GRAMD1B: variants seen among roughly 807,000 people sequenced by gnomAD.
The protein encoded by GRAMD1B is protein Aster-B.
A neutral mutation model predicts 99.7 loss-of-function variants in GRAMD1B; 37 were observed. That is an observed-to-expected ratio of 0.37 (90% confidence interval 0.29 to 0.49). The LOEUF (loss-of-function observed/expected upper bound fraction) is 0.49. Ranked by LOEUF, GRAMD1B falls within the 20% of genes least tolerant of loss-of-function variation. The pLI is 0.98. For missense variants in GRAMD1B, 888 were observed against 1,009.2 expected, an observed-to-expected ratio of 0.88 and a Z score of 1.63; for synonymous variants, 427 against 387.6, an observed-to-expected ratio of 1.10 and a Z score of -1.19.
At chr11:123,514,649 C>G (rs1006818337) in intron 2 of GRAMD1B, among the ~76,000 whole-genome samples, 2 of 152,140 alleles carry the variant, frequency 1.3e-5, no homozygotes, top group Non-Finnish European at 2.9e-5. Flanking sequence ...ATGTGAAAAC[C>G]AGAAACAGAA....
intron 1 of GRAMD1B, among the ~76,000 whole-genome samples, chr11:123,465,769 C>T (rs1453707083): frequency 9.5e-5 from 11 of 115,878 alleles, no homozygotes; most frequent in East Asian, 3.7e-4. Flanking sequence ...AACTCCATCT[C>T]GAAAGAAAAA....
intron 2 of GRAMD1B, among the ~76,000 whole-genome samples, chr11:123,566,247 G>T (rs56269648): frequency 1.7e-4 from 26 of 152,114 alleles, no homozygotes; most frequent in Non-Finnish European, 3.1e-4. Flanking sequence ...ATTTTCTCAA[G>T]GGCACCAATC....
intron 1 of GRAMD1B, among the ~76,000 whole-genome samples, chr11:123,387,825 T>A (rs10893034): frequency 0.39 from 59,906 of 151,750 alleles, 17,686 homozygotes; most frequent in African/African-American, 0.84. Context: ...TGTGATTATT[T>A]AAAAATAGCT....
chr11:123,584,092 G>A (rs1244072974), intron 3 of GRAMD1B, among the ~76,000 whole-genome samples: 1 of 151,816 alleles, frequency 6.6e-6, no homozygotes, highest in Non-Finnish European at 1.5e-5. Context: ...CTGCCACCCC[G>A]CCCGCGGTGG....
At chr11:123,397,654 G>T (rs1018825206) in intron 1 of GRAMD1B, among the ~76,000 whole-genome samples, 1 of 151,886 alleles carries the variant, frequency 6.6e-6, no homozygotes, top group Non-Finnish European at 1.5e-5. Flanking sequence ...AGAGTGTGCC[G>T]CCACATCTGA....
At chr11:123,599,284 G>A in intron 7 of GRAMD1B, 2 of 729,926 alleles carry the variant, frequency 2.7e-6, no homozygotes, top group Non-Finnish European at 5.2e-6. Context: ...AAATCCCTTG[G>A]GTTCCCACTG....
At chr11:123,539,012 G>T (rs1237760299) in intron 2 of GRAMD1B, among the ~76,000 whole-genome samples, 5 of 151,902 alleles carry the variant, frequency 3.3e-5, no homozygotes, top group African/African-American at 9.7e-5. Context: ...TTTCATCCAA[G>T]TTGTAGCATG....
chr11:123,577,674 G>A, intron 3 of GRAMD1B, 97 bp downstream of exon 3: 4 of 873,086 alleles, frequency 4.6e-6, no homozygotes, highest in East Asian at 2.7e-5. Flanking sequence ...GGGTCCTCAC[G>A]TGATGAACAG....
chr11:123,581,050 G>T (rs910859242), intron 3 of GRAMD1B, among the ~76,000 whole-genome samples: 1 of 151,506 alleles, frequency 6.6e-6, no homozygotes, highest in African/African-American at 2.4e-5. Flanking sequence ...TCCACACCCC[G>T]CACCTTACTT....
intron 2 of GRAMD1B, among the ~76,000 whole-genome samples, chr11:123,504,168 G>A (rs1353549724): frequency 6.6e-6 from 1 of 152,074 alleles, no homozygotes; most frequent in Non-Finnish European, 1.5e-5. Context: ...ATTTCCCTTG[G>A]CCTATCATGT....
chr11:123,509,470 A>G (rs1940761847), intron 2 of GRAMD1B, among the ~76,000 whole-genome samples: 1 of 152,176 alleles, frequency 6.6e-6, no homozygotes, highest in East Asian at 1.9e-4. Flanking sequence ...ATCTTTAAAT[A>G]TTTGGATGGG....
chr11:123,569,627 C>T (rs576817230), intron 2 of GRAMD1B, among the ~76,000 whole-genome samples: 1 of 152,354 alleles, frequency 6.6e-6, no homozygotes, highest in South Asian at 2.1e-4. Context: ...CTGTGGCTCT[C>T]CTCTCTCAGC....
intron 7 of GRAMD1B, among the ~76,000 whole-genome samples, chr11:123,597,280 T>A: frequency 7.4e-6 from 1 of 135,346 alleles, no homozygotes; most frequent in East Asian, 2.2e-4. Context: ...TTTTTTTTTT[T>A]TTTTTTAAGA....
chr11:123,572,454 C>T (rs570757062), intron 2 of GRAMD1B, among the ~76,000 whole-genome samples: 134 of 152,318 alleles, frequency 8.8e-4, no homozygotes, highest in African/African-American at 3.0e-3. Flanking sequence ...GTTTTGTTTG[C>T]TCAGCAGGAC....
In GRAMD1B at chr11:123,434,096, G is replaced by A. The variant is rs1949042340; in HGVS notation, c.374+2930G>A. The stretch of plus-strand genomic sequence containing the variant: ...AATACAAAAATTAGCCAGGTGTGGT[G>A]GTGGACACCTGTAGTCCCAGCTACT... On this transcript the variant is annotated intron_variant, in intron 1 of 19. Coordinates refer to ENST00000635736, the MANE Select transcript of GRAMD1B (RefSeq NM_001387025.1). 2.6e-5 allele frequency among the ~76,000 whole-genome samples: 4 copies of A among 151,966 alleles called. No individual in the cohort carries two copies. The South Asian group carries it at 8.3e-4, about 32-fold the overall frequency.
rs532364613 is a variant in GRAMD1B, at chr11:123,598,134, C to G, written c.969+2097C>G. 28 of 1,590,554 alleles carry G rather than the reference C, an allele frequency of 1.8e-5. No homozygotes were observed. The East Asian group carries it at 5.6e-4, about 32-fold the overall frequency. On this transcript the variant is annotated intron_variant, in intron 7 of 19. Transcript: ENST00000635736. ...GCAAAGTGAGCAGTGTTTGGGATGC[C>G]CAAACACCTCATGCCATGCCATGAG...
At chr11:123,384,142 T>C (rs1174054220) in intron 1 of GRAMD1B, among the ~76,000 whole-genome samples, 2 of 152,176 alleles carry the variant, frequency 1.3e-5, no homozygotes, top group Non-Finnish European at 2.9e-5. Context: ...AGTGCTGAGA[T>C]TACAGGCATG....
chr11:123,461,222 G>A (rs1950399633), intron 1 of GRAMD1B, among the ~76,000 whole-genome samples: 1 of 152,184 alleles, frequency 6.6e-6, no homozygotes, highest in Non-Finnish European at 1.5e-5. Context: ...TCGTCTTTCT[G>A]GGGAATCAGC....
intron 2 of GRAMD1B, among the ~76,000 whole-genome samples, chr11:123,495,114 TACACAC>T (rs10695354): frequency 6.7e-5 from 10 of 148,648 alleles, no homozygotes; most frequent in African/African-American, 1.7e-4. Flanking sequence ...TATATATACA[TACACAC>T]ACACACACAC....
Sources: gnomAD v4.1 joint callset for allele counts (sites outside exome capture counted in the v4.1 genomes callset) on GRCh38, gnomAD v4.1.1 for gene constraint, MANE v1.5 for transcripts, NCBI Gene and HGNC (gene_info 2026-07-23, HGNC 2026-07-21) for gene names.